Variants in SLC25A30 observed in about 807,000 individuals in gnomAD.
SLC25A30 encodes the protein solute carrier family 25 member 30.
In SLC25A30, 29 loss-of-function variants were observed where a neutral mutation model predicts 42.7. The ratio of observed to expected loss-of-function variants is 0.68; its 90% CI spans 0.51 to 0.93. The LOEUF (loss-of-function observed/expected upper bound fraction) is 0.93. SLC25A30 is among the 40% of genes least tolerant of loss of function. The probability of loss-of-function intolerance (pLI) is 0.00; values close to 1 mark genes in which losing one functional copy is unlikely to be tolerated. For synonymous variants in SLC25A30, 124 were observed against 131.0 expected (o/e 0.95, Z 0.37); for missense variants, 300 against 359.7 (o/e 0.83, Z 1.34).
chr13:45,429,676 A>T, the SLC25A30 span, among the ~76,000 whole-genome samples: 4,404 of 151,850 alleles, frequency 0.029, 208 homozygotes, highest in African/African-American at 0.097. Context: ...ACAAAAAAAA[A>T]TTTTTTTAAT....
chr13:45,431,800 C>A, the SLC25A30 span, among the ~76,000 whole-genome samples: 1 of 152,154 alleles, frequency 6.6e-6, no homozygotes. Context: ...ACTTAGTACA[C>A]CTAATAGAGC....
rs1566196881 is a variant in SLC25A30, at chr13:45,393,908, G to A, written c.*2066C>T. The A allele has an allele frequency of 3.0e-6, 3 of 985,002 alleles. No homozygotes were observed. The highest frequency in any genetic ancestry group is 4.7e-5 in the South Asian group (1 of 21,282). The allele number at this position is 985,002 out of a possible 1,614,324, so 61.0% of individuals were successfully genotyped here. On this transcript the variant is annotated 3_prime_UTR_variant, in exon 10 of 10. Transcript: ENST00000519676. ...CTGGTAATAATACTGTCTGACATTCGCTCTTTACATGGTCATTAAAATGAA... is the reference window on the plus strand; with the variant it reads ...CTGGTAATAATACTGTCTGACATTCACTCTTTACATGGTCATTAAAATGAA...
At chr13:45,424,170 AAT>A in the SLC25A30 span, among the ~76,000 whole-genome samples, 11 of 92,902 alleles carry the variant, frequency 1.2e-4, no homozygotes, top group African/African-American at 3.6e-4. Flanking sequence ...GAAATATATC[AAT>A]ATATATAAAT....
chr13:45,424,456 AACATATAAAAATATATAAATATATGT>A, the SLC25A30 span, among the ~76,000 whole-genome samples: 1 of 76,738 alleles, frequency 1.3e-5, no homozygotes, highest in African/African-American at 5.3e-5. Flanking sequence ...AAAATATATA[AACATATAAAAATATATAAATATATGT>A]ATATAAATAT....
the SLC25A30 span, among the ~76,000 whole-genome samples, chr13:45,426,395 AT>A: frequency 1.3e-5 from 2 of 152,028 alleles, no homozygotes; most frequent in Non-Finnish European, 2.9e-5. Flanking sequence ...CAGTTTTTAT[AT>A]TTTTTAAGTG....
upstream of SLC25A30, among the ~76,000 whole-genome samples, chr13:45,421,117 G>A (rs146725213): frequency 2.2e-3 from 333 of 152,058 alleles, 2 homozygotes; most frequent in Non-Finnish European, 3.9e-3. Flanking sequence ...GGTGGCTCAC[G>A]TCTATAATCC....
At chr13:45,433,582 GC>G in the SLC25A30 span, among the ~76,000 whole-genome samples, 1 of 152,034 alleles carries the variant, frequency 6.6e-6, no homozygotes, top group Non-Finnish European at 1.5e-5. Context: ...CTCCATTTTT[GC>G]CTCTGATAAA....
intron 1 of SLC25A30, among the ~76,000 whole-genome samples, chr13:45,415,897 T>G (rs1286510131): frequency 6.9e-6 from 1 of 145,788 alleles, no homozygotes; most frequent in Non-Finnish European, 1.5e-5. Flanking sequence ...CCTCCCAGGT[T>G]CAAGCAATTC....
chr13:45,424,739 ATAT>A, the SLC25A30 span, among the ~76,000 whole-genome samples: 36 of 63,620 alleles, frequency 5.7e-4, 4 homozygotes, highest in East Asian at 2.6e-3. Context: ...ATATGTATAA[ATAT>A]TATATCTATT....
chr13:45,432,991 C>T, the SLC25A30 span, among the ~76,000 whole-genome samples: 6 of 146,654 alleles, frequency 4.1e-5, no homozygotes, highest in African/African-American at 1.3e-4. Flanking sequence ...TGAGCCGTAT[C>T]GTGCCATTGC....
upstream of SLC25A30, among the ~76,000 whole-genome samples, chr13:45,422,570 C>T (rs372655576): frequency 4.1e-4 from 62 of 152,230 alleles, no homozygotes; most frequent in African/African-American, 1.3e-3. Context: ...TGGAGTTTTT[C>T]GGTTGCCTCA....
At chr13:45,400,039 C>CATATATATAT (rs1881800284) in intron 7 of SLC25A30, among the ~76,000 whole-genome samples, 1 of 116,598 alleles carries the variant, frequency 8.6e-6, no homozygotes, top group Non-Finnish European at 1.8e-5. Flanking sequence ...TATATACACA[C>CATATATATAT]ACACACACAC....
the SLC25A30 span, among the ~76,000 whole-genome samples, chr13:45,429,871 A>G: frequency 6.6e-6 from 1 of 151,734 alleles, no homozygotes; most frequent in Admixed American, 6.6e-5. Context: ...ACAGAAAGAA[A>G]TCTCAGGACA....
At chr13:45,415,608 G>A (rs112493486) in intron 1 of SLC25A30, among the ~76,000 whole-genome samples, 5 of 151,464 alleles carry the variant, frequency 3.3e-5, no homozygotes, top group African/African-American at 1.2e-4. Flanking sequence ...AAAATTAGCT[G>A]GGCATGGTGG....
chr13:45,433,974 T>A, the SLC25A30 span, among the ~76,000 whole-genome samples: 2 of 152,118 alleles, frequency 1.3e-5, no homozygotes, highest in Non-Finnish European at 2.9e-5. Flanking sequence ...AAAATTCCAA[T>A]CAGGCTGGGC....
the SLC25A30 span, among the ~76,000 whole-genome samples, chr13:45,425,482 A>G: frequency 1.8e-5 from 2 of 113,018 alleles, no homozygotes; most frequent in South Asian, 2.4e-4. Context: ...ATAAGCATAT[A>G]TAAATATATA....
chr13:45,417,889 G>A (rs1224245698), intron 1 of SLC25A30, among the ~76,000 whole-genome samples: 1 of 152,244 alleles, frequency 6.6e-6, no homozygotes, highest in African/African-American at 2.4e-5. Context: ...GAAGCTCGCG[G>A]GCGCTCAGGC....
upstream of SLC25A30, among the ~76,000 whole-genome samples, chr13:45,419,260 A>C (rs558212335): frequency 5.9e-4 from 88 of 150,328 alleles, no homozygotes; most frequent in Non-Finnish European, 1.0e-3. Context: ...TTATATATTA[A>C]TATATAACAT....
At chr13:45,423,741 A>AATATATAAAT in the SLC25A30 span, among the ~76,000 whole-genome samples, 17,040 of 19,620 alleles carry the variant, frequency 0.87, 7,793 homozygotes, top group East Asian at 0.95. Flanking sequence ...AATATATATA[A>AATATATAAAT]ATATATAAAT....
Sources: allele counts gnomAD v4.1 joint callset (sites outside exome capture counted in the v4.1 genomes callset), GRCh38; gene constraint gnomAD v4.1.1; transcripts MANE v1.5; gene names NCBI Gene and HGNC (gene_info 2026-07-23, HGNC 2026-07-21).